Variants in PRICKLE4 observed in about 807,000 individuals in gnomAD.
PRICKLE4 encodes the protein prickle planar cell polarity protein 4.
A neutral mutation model predicts 43.5 loss-of-function variants in PRICKLE4; 40 were observed. The ratio of observed to expected loss-of-function variants is 0.92; its 90% CI spans 0.71 to 1.20. The LOEUF is 1.20. Ranked by LOEUF, PRICKLE4 falls within the 50% of genes most tolerant of loss-of-function variation. The pLI is 0.00. For missense variants in PRICKLE4, 527 were observed against 491.2 expected, an observed-to-expected ratio of 1.07 and a Z score of -0.69; for synonymous variants, 208 against 197.4, an observed-to-expected ratio of 1.05 and a Z score of -0.45.
intron 4 of PRICKLE4, 199 bp from the exon 5 acceptor site, chr6:41,784,736 A>G (rs1309302032): frequency 3.2e-6 from 2 of 629,770 alleles, no homozygotes; most frequent in African/African-American, 3.7e-5. Flanking sequence ...TGACATTCCT[A>G]GTGGGGCAGG....
At position 41,785,092 on chromosome 6, in the gene PRICKLE4, C is replaced by A. The variant is rs187184454; in HGVS notation, c.378+20C>A. The A allele has an allele frequency of 3.7e-6, 6 of 1,612,482 alleles. No individual in the cohort carries two copies. The highest frequency in any genetic ancestry group is 2.2e-5 in the East Asian group (1 of 44,880). ...GAGAAGGTATGTAGCACCCCTCCCC[C>A]CAAATTCCCCTTCCTCTATTCTTTG... On this transcript the variant is annotated intron_variant, in intron 5 of 7. Transcript: ENST00000458694.
In PRICKLE4 at chr6:41,786,756, G is replaced by T. The variant is rs757629934; in HGVS notation, c.788-6G>T. ...AGACCAGCGTTTCCGACCCGGCCCG[G>T]AACAGGGGAGACTGGACTCGACCGA... On this transcript the variant is annotated splice_polypyrimidine_tract_variant and splice_region_variant and intron_variant, in intron 7 of 7. Transcript: ENST00000458694. 4 of 1,612,922 alleles carry T rather than the reference G, an allele frequency of 2.5e-6. No individual in the cohort carries two copies. In the African/African-American group the frequency reaches 4.0e-5, roughly 16 times the overall value.
In PRICKLE4 at chr6:41,784,947, C is replaced by T; in HGVS notation, c.253C>T (p.Leu85=). ...ACTGTTTCTGCAGGAGCGCTACTGC[C>T]TGGCCCTTGGGGAGGAGGAGCGGGC... ...PPQDIDERYC[L]ALGEEERAEL... is the part of the protein sequence containing the mutation. The change falls in exon 5 of 8, where the codon CTG becomes TTG. Residue 85 remains leucine, a synonymous_variant. Transcript: ENST00000458694. 1.9e-6 allele frequency: 3 copies of T among 1,614,072 alleles called. No individual in the cohort carries two copies. The highest frequency in any genetic ancestry group is 2.5e-6 in the Non-Finnish European group (3 of 1,179,992).
chr6:41,784,083 G>C (rs755133927), intron 3 of PRICKLE4, 48 bp from the exon 4 acceptor site: 2 of 1,417,656 alleles, frequency 1.4e-6, no homozygotes, highest in South Asian at 2.5e-5. Context: ...AAGGAGAAAG[G>C]AAAGAAAAAC....
In PRICKLE4 at chr6:41,787,061, TG is replaced by T. The variant is rs1561897296; in HGVS notation, c.1089del (p.Trp363Ter). 1.2e-6 allele frequency: 2 copies of T among 1,613,584 alleles called. No homozygotes were observed. Among genetic ancestry groups the T allele is most frequent in the South Asian group, 1.1e-5 (1 of 91,076 alleles). ...CTTAGGCGAGCGCCTTCCCCAGTCC[TG>T]GAAGACCCCCGGAAGCCTCCAAGCA... Reference protein sequence around the residue: ...FFLGERLPQSWKTPGSLQAED... With the variant: ...FFLGERLPQSXKTPGSLQAED... On this transcript the variant is annotated frameshift_variant, in exon 8 of 8. Transcript: ENST00000458694. LOFTEE classifies it high-confidence loss of function.
In PRICKLE4 at chr6:41,786,350, G is replaced by A; in HGVS notation, c.787+18G>A. 1.9e-6 allele frequency: 3 copies of A among 1,549,250 alleles called. No homozygotes were observed. Among genetic ancestry groups the A allele is most frequent in the East Asian group, 2.3e-5 (1 of 44,108 alleles). On this transcript the variant is annotated intron_variant, in intron 7 of 7. Coordinates refer to ENST00000458694, the MANE Select transcript of PRICKLE4 (RefSeq NM_013397.6). ...ATTCCTTGGTAAGGGAGAGGATGCA[G>A]AGCAAAGCGGGAGGGAGCTTGGGCT...
At chr6:41,784,733 C>A in intron 4 of PRICKLE4, 1 of 624,728 alleles carries the variant, frequency 1.6e-6, no homozygotes, top group Non-Finnish European at 2.7e-6. Context: ...TGATGACATT[C>A]CTAGTGGGGC....
chr6:41,786,805 G>T lies in PRICKLE4; in HGVS notation c.831G>T (p.Ser277=), dbSNP rs55796069. The T allele has an allele frequency of 1.5e-5, 24 of 1,606,894 alleles. No individual in the cohort carries two copies. Among genetic ancestry groups the T allele is most frequent in the Non-Finnish European group, 2.0e-5 (24 of 1,177,436 alleles). Reference sequence around the variant, plus strand: ...GAACTGAAGGAAGGGACCAAACCTCGGTGAACTCTGCAACCCTCTCCCGAA... The same window carrying T: ...GAACTGAAGGAAGGGACCAAACCTCTGTGAACTCTGCAACCCTCTCCCGAA... ...LDRTEGRDQT[S]VNSATLSRTL... Residue 277 remains serine, a synonymous_variant, in exon 8 of 8, where the codon TCG becomes TCT. Transcript: ENST00000458694.
rs1276436734 is a variant in PRICKLE4 at position 41,787,216 on chromosome 6, G to C, written c.*87G>C. 6.8e-7 allele frequency: 1 copy of C among 1,474,822 alleles called. No homozygotes were observed. The highest frequency in any genetic ancestry group is 8.9e-7 in the Non-Finnish European group (1 of 1,119,316). The allele number at this position is 1,474,822 out of a possible 1,614,324, so 91.4% of individuals were successfully genotyped here. A position where few individuals can be genotyped will look rare whatever the true frequency, so the allele number is the denominator to read the frequency against. Reference sequence around the variant, plus strand: ...GGCTAGCCTCCCCCTAACAATCCTAGACTGAGACGCAGTCAGGCGCACGCC... The same window carrying C: ...GGCTAGCCTCCCCCTAACAATCCTACACTGAGACGCAGTCAGGCGCACGCC... On this transcript the variant is annotated 3_prime_UTR_variant, in exon 8 of 8. Coordinates refer to ENST00000458694, the MANE Select transcript of PRICKLE4 (RefSeq NM_013397.6).
Position 41,785,541 on chromosome 6 carries a change from G to C in PRICKLE4, c.582+1G>C. On this transcript the variant is annotated splice_donor_variant, in intron 6 of 7. Coordinates refer to ENST00000458694, the MANE Select transcript of PRICKLE4 (RefSeq NM_013397.6). LOFTEE classifies it high-confidence loss of function. ...CCCGCGCTGCCCGGCTTGTGACCAGGTACAGCCTGGAGGGGAGGAACTGGG... is the reference window on the plus strand; with the variant it reads ...CCCGCGCTGCCCGGCTTGTGACCAGCTACAGCCTGGAGGGGAGGAACTGGG... 1.2e-6 allele frequency: 2 copies of C among 1,611,874 alleles called. No individual in the cohort carries two copies. The highest frequency in any genetic ancestry group is 8.5e-7 in the Non-Finnish European group (1 of 1,179,898).
rs767796478 is a variant in PRICKLE4, at chr6:41,786,850, C to T, written c.876C>T (p.Gly292=). ...TLSRTLLAAA[G]GSSLQTQRGL... ...CCCGAACACTCCTCGCTGCTGCCGG[C>T]GGTTCCAGCCTGCAAACTCAGAGGG... Residue 292 remains glycine (G), a synonymous_variant, in exon 8 of 8, where the codon GGC becomes GGT. Transcript: ENST00000458694. 1 of 1,601,382 alleles carries T rather than the reference C, an allele frequency of 6.2e-7. No homozygotes were observed. The highest frequency in any genetic ancestry group is 8.5e-7 in the Non-Finnish European group (1 of 1,172,108).
In PRICKLE4 at chr6:41,786,908, C is replaced by T. The variant is rs377233809; in HGVS notation, c.934C>T (p.Arg312Ter). 14 of 1,612,582 alleles carry T rather than the reference C, an allele frequency of 8.7e-6. No homozygotes were observed. The South Asian group carries it at 8.8e-5, about 10-fold the overall frequency. ...LPGSSPQQEN[R>*]PGDKAEAPKG... ...TGGATCCAGTCCCCAGCAGGAGAAC[C>T]GACCTGGGGACAAAGCGGAGGCACC... The change falls in exon 8 of 8, where the codon CGA becomes TGA. Residue 312 changes from arginine (R) to a stop codon, truncating the protein, a stop_gained. Coordinates refer to ENST00000458694, the MANE Select transcript of PRICKLE4 (RefSeq NM_013397.6). LOFTEE classifies it high-confidence loss of function.
chr6:41,787,108 G>C lies in PRICKLE4; in HGVS notation c.1134G>C (p.Lys378Asn). ...AAGCAGAGGACAGCAACGCCTCTAA[G>C]ACGCACTGCACCATGTGCTAGTGGC... is the stretch of plus-strand genomic sequence containing the variant. ...SLQAEDSNAS[K>N]THCTMC The change falls in exon 8 of 8, where the codon AAG becomes AAC. Residue 378 changes from lysine (K) to asparagine (N), a missense_variant. By Grantham distance (94) the Lys-to-Asn change is moderately conservative. Transcript: ENST00000458694. 6.2e-7 allele frequency: 1 copy of C among 1,608,652 alleles called. No individual in the cohort carries two copies. The highest frequency in any genetic ancestry group is 8.5e-7 in the Non-Finnish European group (1 of 1,179,530).
chr6:41,781,633 C>G (rs1561895081), intron 2 of PRICKLE4, 113 bp downstream of exon 2: 1 of 152,718 alleles, frequency 6.5e-6, no homozygotes, highest in East Asian at 1.9e-4. Context: ...CTGTTACAGT[C>G]CAAACCCTCA....
chr6:41,783,408 C>G, intron 2 of PRICKLE4, 54 bp from the exon 3 acceptor site: 1 of 1,428,826 alleles, frequency 7.0e-7, no homozygotes, highest in Non-Finnish European at 9.5e-7. Context: ...TTAACACTTC[C>G]TAGCACATTG....
chr6:41,785,579 G>C, intron 6 of PRICKLE4, 39 bp downstream of exon 6: 1 of 1,583,010 alleles, frequency 6.3e-7, no homozygotes, highest in Non-Finnish European at 8.6e-7. Flanking sequence ...TCTGCCCAGA[G>C]TCCAGAGTGG....
chr6:41,785,269 C>T, intron 5 of PRICKLE4, 68 bp from the exon 6 acceptor site: 2 of 1,557,864 alleles, frequency 1.3e-6, no homozygotes, highest in Admixed American at 1.7e-5. Context: ...GATCGGATTG[C>T]AAGAGCAAGG....
Position 41,783,517 on chromosome 6 carries a change from C to A in PRICKLE4, c.44C>A (p.Pro15His). Residue 15 changes from proline to histidine, a missense_variant, in exon 3 of 8, where the codon CCC becomes CAC. Pro to His is a moderately conservative substitution (Grantham distance 77, BLOSUM62 -2). Coordinates refer to ENST00000458694, the MANE Select transcript of PRICKLE4 (RefSeq NM_013397.6). ...GGCTGGCCCCACCAAGAAGACAGCC[C>A]CAAGCCCCAGGATCCAGGTCCACCA... ...NSGWPHQEDS[P>H]KPQDPGPPAN... is the part of the protein sequence containing the mutation. The A allele has an allele frequency of 6.3e-7, 1 of 1,594,806 alleles. No homozygotes were observed. The highest frequency in any genetic ancestry group is 8.6e-7 in the Non-Finnish European group (1 of 1,162,820).
chr6:41,786,217 CG>C lies in PRICKLE4; in HGVS notation c.677del (p.Gly226AspfsTer53). Reference sequence around the variant, plus strand: ...GCCAGGACTGCGCCGGGCCTCTGGGCGGGGGACGTTATGCCCTGCCTGGGGG... The same window carrying C: ...GCCAGGACTGCGCCGGGCCTCTGGGCGGGGACGTTATGCCCTGCCTGGGGG... ...CCQDCAGPLG[G>X]GRYALPGGSP... On this transcript the variant is annotated frameshift_variant, in exon 7 of 8. Transcript: ENST00000458694. LOFTEE classifies it high-confidence loss of function. 6.2e-7 allele frequency: 1 copy of C among 1,606,936 alleles called. No individual in the cohort carries two copies. Among genetic ancestry groups the C allele is most frequent in the Admixed American group, 1.7e-5 (1 of 59,628 alleles).
Sources: allele counts gnomAD v4.1 joint callset, GRCh38; gene constraint gnomAD v4.1.1; transcripts MANE v1.5; gene names NCBI Gene and HGNC (gene_info 2026-07-23, HGNC 2026-07-21).